SCAPER: variants seen among roughly 807,000 people sequenced by gnomAD.
The protein encoded by SCAPER is S phase cyclin A-associated protein in the endoplasmic reticulum.
A neutral mutation model predicts 182.2 loss-of-function variants in SCAPER; 98 were observed. That is an observed-to-expected ratio of 0.54 (90% CI 0.46 to 0.64). SCAPER has a LOEUF of 0.64. Among genes scored for constraint, SCAPER ranks in the 30% least tolerant of loss-of-function variants. SCAPER has a pLI of 0.00. For synonymous variants in SCAPER, 605 were observed against 564.6 expected (o/e 1.07, Z -1.01); for missense variants, 1,432 against 1,690.0 (o/e 0.85, Z 2.68).
At chr15:76,734,750 C>T (rs1219290449) in intron 15 of SCAPER, among the ~76,000 whole-genome samples, 1 of 152,024 alleles carries the variant, frequency 6.6e-6, no homozygotes, top group Non-Finnish European at 1.5e-5. Flanking sequence ...TGGCAGGCAC[C>T]TAATCCCAGC....
At chr15:76,854,052 C>T (rs184878932) in intron 4 of SCAPER, among the ~76,000 whole-genome samples, 54 of 152,096 alleles carry the variant, frequency 3.6e-4, no homozygotes, top group African/African-American at 1.3e-3. Flanking sequence ...AGGCGGATCA[C>T]GAGGTCAGCA....
At chr15:76,382,366 ATT>A (rs10709753) in intron 27 of SCAPER, among the ~76,000 whole-genome samples, 15 of 145,382 alleles carry the variant, frequency 1.0e-4, no homozygotes, top group South Asian at 2.2e-4. Flanking sequence ...TTTTTCTTTT[ATT>A]TTTTTTTTTT....
chr15:76,818,442 T>C (rs1028826067), intron 5 of SCAPER, among the ~76,000 whole-genome samples: 1 of 152,146 alleles, frequency 6.6e-6, no homozygotes, highest in Admixed American at 6.5e-5. Context: ...ATGAAAAAAT[T>C]GATAAGCTGG....
At chr15:76,825,413 G>A (rs113585054) in intron 5 of SCAPER, among the ~76,000 whole-genome samples, 28 of 152,182 alleles carry the variant, frequency 1.8e-4, no homozygotes, top group African/African-American at 6.0e-4. Flanking sequence ...CCTACGGGCC[G>A]TATCAAGTAT....
At chr15:76,453,141 C>A (rs2048493675) in intron 25 of SCAPER, among the ~76,000 whole-genome samples, 1 of 152,176 alleles carries the variant, frequency 6.6e-6, no homozygotes, top group Admixed American at 6.5e-5. Context: ...GCTAAGAGGA[C>A]CTTTTTCCCT....
intron 23 of SCAPER, among the ~76,000 whole-genome samples, chr15:76,565,693 C>G (rs1453980093): frequency 6.6e-6 from 1 of 152,122 alleles, no homozygotes; most frequent in Non-Finnish European, 1.5e-5. Flanking sequence ...TTCTCCTTCT[C>G]TCAACACCTG....
chr15:76,583,810 T>C (rs191468647), intron 22 of SCAPER, among the ~76,000 whole-genome samples: 135 of 152,324 alleles, frequency 8.9e-4, no homozygotes, highest in Non-Finnish European at 1.6e-3. Flanking sequence ...CCTCATGCAC[T>C]GTTGGTGGGA....
intron 9 of SCAPER, among the ~76,000 whole-genome samples, chr15:76,774,604 T>C (rs1429488113): frequency 2.0e-5 from 3 of 152,144 alleles, no homozygotes; most frequent in Non-Finnish European, 4.4e-5. Flanking sequence ...CTCTCAAATG[T>C]TAAGCATTTA....
rs934808456 is a variant in SCAPER, at chr15:76,391,162, G to T, written c.3468-9547C>A. 3.3e-5 allele frequency among the ~76,000 whole-genome samples: 5 copies of T among 151,998 alleles called. 1 individual carries two copies. On this transcript the variant is annotated intron_variant, in intron 27 of 31. Transcript: ENST00000563290. ...CTGTTTCTGGAACATCCACTTCAAG[G>T]TCTTGCCATTCTTCTCAACTAGAAT...
chr15:76,770,356 TA>T (rs1001904545), intron 10 of SCAPER, among the ~76,000 whole-genome samples: 12 of 147,638 alleles, frequency 8.1e-5, no homozygotes, highest in African/African-American at 1.5e-4. Context: ...AGTATAATTT[TA>T]AAAAAAAAAG....
chr15:76,809,045 A>C (rs555087725), intron 5 of SCAPER, among the ~76,000 whole-genome samples: 4 of 152,174 alleles, frequency 2.6e-5, no homozygotes, highest in Non-Finnish European at 5.9e-5. Flanking sequence ...GGCATACCCT[A>C]ATCTGGGGAC....
intron 20 of SCAPER, among the ~76,000 whole-genome samples, chr15:76,674,511 T>C (rs969999267): frequency 3.9e-5 from 6 of 152,174 alleles, no homozygotes; most frequent in African/African-American, 9.7e-5. Context: ...TGAGTACTCA[T>C]CAATGGAAAA....
rs1187765543 is a variant in SCAPER, at chr15:76,753,805, T to A, written c.1866+3A>T. On this transcript the variant is annotated splice_donor_region_variant and intron_variant, in intron 15 of 31. Transcript: ENST00000563290. ...GTCAACATTTAAAGCTCTTATGATA[T>A]ACCTTAGCTTCTTCTTCTTGTGCTT... 2 of 1,610,710 alleles carry A rather than the reference T, an allele frequency of 1.2e-6. No homozygotes were observed. Among genetic ancestry groups the A allele is most frequent in the South Asian group, 2.2e-5 (2 of 90,374 alleles).
rs145674757 is a variant in SCAPER at position 76,495,798 on chromosome 15, C to T, written c.2954+9061G>A. Among the ~76,000 whole-genome samples, 35 of 152,114 alleles carry T rather than the reference C, an allele frequency of 2.3e-4. No individual in the cohort carries two copies. The East Asian group carries it at 6.6e-3, about 29-fold the overall frequency. On this transcript the variant is annotated intron_variant, in intron 24 of 31. Coordinates refer to ENST00000563290, the MANE Select transcript of SCAPER (RefSeq NM_020843.4). ...CATTCTGTTCAGCACAGTAAAATGA[C>T]TTAACTAAGAAAAGATCATTTATAT... is the stretch of plus-strand genomic sequence containing the variant.
intron 21 of SCAPER, among the ~76,000 whole-genome samples, chr15:76,652,371 C>T (rs55694540): frequency 0.3 from 2,199 of 7,358 alleles, 354 homozygotes; most frequent in East Asian, 0.4. Flanking sequence ...CACACACACA[C>T]ATATATATAT....
At position 76,703,018 on chromosome 15, in the gene SCAPER, A is replaced by C. The variant is rs752370094; in HGVS notation, c.2248-16T>G. ...TTTCATCATGCTGTAGATGAAGTCAAAGTGCAAGAATTTCAAAAATTATTC... is the reference window on the plus strand; with the variant it reads ...TTTCATCATGCTGTAGATGAAGTCACAGTGCAAGAATTTCAAAAATTATTC... On this transcript the variant is annotated splice_polypyrimidine_tract_variant and intron_variant, in intron 18 of 31. Coordinates refer to ENST00000563290, the MANE Select transcript of SCAPER (RefSeq NM_020843.4). 6 of 1,513,550 alleles carry C rather than the reference A, an allele frequency of 4.0e-6. No individual in the cohort carries two copies. The highest frequency in any genetic ancestry group is 1.3e-5 in the South Asian group (1 of 76,616). The allele number at this position is 1,513,550 out of a possible 1,614,324, so 93.8% of individuals were successfully genotyped here. A position where few individuals can be genotyped will look rare whatever the true frequency, so the allele number is the denominator to read the frequency against.
intron 23 of SCAPER, among the ~76,000 whole-genome samples, chr15:76,540,227 C>A (rs2044609131): frequency 6.6e-6 from 1 of 151,860 alleles, no homozygotes; most frequent in Non-Finnish European, 1.5e-5. Flanking sequence ...ATAGCAAGAC[C>A]CTGTCTCTAC....
intron 24 of SCAPER, among the ~76,000 whole-genome samples, chr15:76,494,349 C>T (rs2040286125): frequency 6.6e-6 from 1 of 152,114 alleles, no homozygotes; most frequent in Non-Finnish European, 1.5e-5. Flanking sequence ...TTTGGTTCAC[C>T]TTTCTCATGT....
intron 10 of SCAPER, among the ~76,000 whole-genome samples, chr15:76,771,146 A>AAGTT (rs1422783124): frequency 6.6e-6 from 1 of 152,152 alleles, no homozygotes; most frequent in Non-Finnish European, 1.5e-5. Flanking sequence ...TTTTTAAACA[A>AAGTT]AGTTAGCATG....
Sources: allele counts gnomAD v4.1 joint callset (sites outside exome capture counted in the v4.1 genomes callset), GRCh38; gene constraint gnomAD v4.1.1; transcripts MANE v1.5; gene names NCBI Gene and HGNC (gene_info 2026-07-23, HGNC 2026-07-21).